Variants in PHACTR1 observed in about 807,000 individuals in gnomAD.
PHACTR1 encodes RPEL repeat containing 1.
A neutral mutation model predicts 69.2 loss-of-function variants in PHACTR1; 16 were observed. The observed-to-expected ratio is 0.23, with a 90% confidence interval of 0.16 to 0.35. The LOEUF (loss-of-function observed/expected upper bound fraction) is 0.35, where lower values mean the gene tolerates loss of function less well. PHACTR1 is among the 10% of genes least tolerant of loss of function. The probability of loss-of-function intolerance (pLI) is 1.00; values close to 1 mark genes in which losing one functional copy is unlikely to be tolerated. For synonymous variants in PHACTR1, 312 were observed against 284.5 expected (o/e 1.10, Z -0.97); for missense variants, 510 against 734.7 (o/e 0.69, Z 3.54).
intron 10 of PHACTR1, among the ~76,000 whole-genome samples, chr6:13,249,665 G>A (rs1774086418): frequency 6.6e-6 from 1 of 152,060 alleles, no homozygotes; most frequent in Admixed American, 6.5e-5. Flanking sequence ...CGGATGTGGT[G>A]GCAGGCGCCT....
chr6:13,271,069 C>T (rs1402576258), intron 10 of PHACTR1, among the ~76,000 whole-genome samples: 9 of 149,300 alleles, frequency 6.0e-5, no homozygotes, highest in Admixed American at 1.3e-4. Flanking sequence ...AGTGCAGTGG[C>T]GCAATGTCGG....
chr6:13,260,427 C>T (rs1337257549), intron 10 of PHACTR1, among the ~76,000 whole-genome samples: 2 of 152,128 alleles, frequency 1.3e-5, no homozygotes. Context: ...TTATTCTTAG[C>T]GCAATGTCAG....
intron 5 of PHACTR1, among the ~76,000 whole-genome samples, chr6:13,061,572 C>T (rs565265575): frequency 1.6e-4 from 24 of 152,274 alleles, no homozygotes; most frequent in African/African-American, 5.5e-4. Context: ...AAGATACAAA[C>T]TCAAACCATG....
At chr6:12,805,939 T>G in intron 4 of PHACTR1, among the ~76,000 whole-genome samples, 1 of 152,212 alleles carries the variant, frequency 6.6e-6, no homozygotes, top group East Asian at 1.9e-4. Flanking sequence ...CATTTGCCAA[T>G]GTTGACTACA....
chr6:12,879,954 C>T (rs890080032), intron 4 of PHACTR1, among the ~76,000 whole-genome samples: 1 of 152,106 alleles, frequency 6.6e-6, no homozygotes, highest in African/African-American at 2.4e-5. Flanking sequence ...TTGAATAGAT[C>T]ACTAGTAAAA....
intron 10 of PHACTR1, among the ~76,000 whole-genome samples, chr6:13,238,820 TA>T (rs1330369749): frequency 1.3e-5 from 2 of 152,128 alleles, no homozygotes; most frequent in Non-Finnish European, 2.9e-5. Flanking sequence ...AAACACTTTC[TA>T]AAAATAGGAA....
chr6:12,955,257 A>G (rs560164614), intron 4 of PHACTR1, among the ~76,000 whole-genome samples: 16 of 133,622 alleles, frequency 1.2e-4, no homozygotes, highest in Admixed American at 2.4e-4. Context: ...GGAGTGCAGT[A>G]GTACAGTCGT....
intron 10 of PHACTR1, among the ~76,000 whole-genome samples, chr6:13,256,479 T>A (rs1775214356): frequency 6.6e-6 from 1 of 152,268 alleles, no homozygotes; most frequent in South Asian, 2.1e-4. Flanking sequence ...ATGGCCAGGC[T>A]GCAAAGTTTC....
At chr6:13,248,279 G>A (rs907168390) in intron 10 of PHACTR1, among the ~76,000 whole-genome samples, 2 of 152,194 alleles carry the variant, frequency 1.3e-5, no homozygotes, top group African/African-American at 4.8e-5. Context: ...CTCCCAGGAG[G>A]AAACCGTAAA....
chr6:13,093,952 G>A (rs1813710236), intron 5 of PHACTR1, among the ~76,000 whole-genome samples: 2 of 152,110 alleles, frequency 1.3e-5, no homozygotes, highest in African/African-American at 4.8e-5. Flanking sequence ...ACTCACGGAA[G>A]CCTTAAACTC....
chr6:13,100,807 CTT>C (rs1468959180), intron 5 of PHACTR1, among the ~76,000 whole-genome samples: 2 of 152,146 alleles, frequency 1.3e-5, no homozygotes, highest in Non-Finnish European at 2.9e-5. Flanking sequence ...TCCTCAGTTA[CTT>C]AAGGAGGCTA....
In PHACTR1 at chr6:13,230,017, C is replaced by T; in HGVS notation, c.1235-20C>T. ...AGGCAGATATGTAAGCCTTAATTGA[C>T]TCATTTCTGTCTCCTACAGGCTCCC... On this transcript the variant is annotated intron_variant, in intron 9 of 14. Coordinates refer to ENST00000332995, the MANE Select transcript of PHACTR1 (RefSeq NM_030948.6). 6.3e-7 allele frequency: 1 copy of T among 1,590,850 alleles called. No individual in the cohort carries two copies. The highest frequency in any genetic ancestry group is 8.6e-7 in the Non-Finnish European group (1 of 1,168,492).
intron 5 of PHACTR1, among the ~76,000 whole-genome samples, chr6:13,149,233 C>T (rs75863020): frequency 3.0e-4 from 45 of 152,288 alleles, no homozygotes; most frequent in African/African-American, 1.1e-3. Flanking sequence ...CCCCATGGTA[C>T]TCCATAAAAG....
intron 7 of PHACTR1, among the ~76,000 whole-genome samples, chr6:13,191,638 T>A (rs1459495197): frequency 6.6e-6 from 1 of 152,146 alleles, no homozygotes; most frequent in Non-Finnish European, 1.5e-5. Flanking sequence ...ACAGGCCTGA[T>A]AGAGGAAGTC....
chr6:13,112,858 G>C lies in PHACTR1; in HGVS notation c.416-47346G>C, dbSNP rs200626384. 2.0e-5 allele frequency among the ~76,000 whole-genome samples: 3 copies of C among 152,210 alleles called. No homozygotes were observed. The East Asian group carries it at 5.8e-4, about 29-fold the overall frequency. ...CTCTGTTGATAGTTTCTTTTGCTGTGCAGAAGCTCTTAAGTATAATTAGAT... is the reference window on the plus strand; with the variant it reads ...CTCTGTTGATAGTTTCTTTTGCTGTCCAGAAGCTCTTAAGTATAATTAGAT... On this transcript the variant is annotated intron_variant, in intron 5 of 14. Transcript: ENST00000332995.
intron 4 of PHACTR1, among the ~76,000 whole-genome samples, chr6:12,805,764 C>T (rs536431386): frequency 1.3e-5 from 2 of 152,052 alleles, no homozygotes; most frequent in Non-Finnish European, 2.9e-5. Flanking sequence ...CCACTCCTAA[C>T]TAATTTTTGT....
intron 4 of PHACTR1, among the ~76,000 whole-genome samples, chr6:12,863,745 T>A (rs1781164189): frequency 1.3e-5 from 2 of 152,252 alleles, no homozygotes; most frequent in Non-Finnish European, 2.9e-5. Flanking sequence ...GACGCTTACC[T>A]TCTTCATAAA....
chr6:12,727,565 T>G (rs1232200527), intron 3 of PHACTR1, among the ~76,000 whole-genome samples: 1 of 152,088 alleles, frequency 6.6e-6, no homozygotes, highest in African/African-American at 2.4e-5. Flanking sequence ...GATGTGAAAA[T>G]GCAATGAACT....
At position 12,733,604 on chromosome 6, in the gene PHACTR1, A is replaced by G. The variant is rs979078308; in HGVS notation, c.103+14757A>G. Among the ~76,000 whole-genome samples, 12 of 152,144 alleles carry G rather than the reference A, an allele frequency of 7.9e-5. No homozygotes were observed. In the East Asian group the frequency reaches 2.3e-3, roughly 29 times the overall value. On this transcript the variant is annotated intron_variant, in intron 3 of 14. Transcript: ENST00000332995. Reference sequence around the variant, plus strand: ...GCAGGAGCCAGAACCCAGTTTCTCAATGTCTCATCTGTGCCCATATCTCTA... The same window carrying G: ...GCAGGAGCCAGAACCCAGTTTCTCAGTGTCTCATCTGTGCCCATATCTCTA...
Sources: allele counts gnomAD v4.1 joint callset (sites outside exome capture counted in the v4.1 genomes callset), GRCh38; gene constraint gnomAD v4.1.1; transcripts MANE v1.5; gene names NCBI Gene and HGNC (gene_info 2026-07-23, HGNC 2026-07-21).